Variants in ZNF556 observed in about 807,000 individuals in gnomAD.
The protein encoded by ZNF556 is zinc finger protein 556.
A neutral mutation model predicts 13.6 loss-of-function variants in ZNF556; 11 were observed. The ratio of observed to expected loss-of-function variants is 0.81; its 90% CI spans 0.51 to 1.33. The LOEUF is 1.33. Among genes scored for constraint, ZNF556 ranks in the 40% most tolerant of loss-of-function variants. The pLI, the probability that ZNF556 is intolerant of heterozygous loss-of-function variation, is 0.00. For synonymous variants in ZNF556, 229 were observed against 207.8 expected (o/e 1.10, Z -0.88); for missense variants, 633 against 566.2 (o/e 1.12, Z -1.20).
rs1406352995 is a variant in ZNF556, at chr19:2,879,086, C to G, written c.*757C>G. ...ATATTACTACCATGTTACTTTTATT[C>G]CACCTTTCCATTTTACAGGGAAAAA... On this transcript the variant is annotated 3_prime_UTR_variant, in exon 4 of 4. Transcript: ENST00000307635. 6.6e-6 allele frequency: 1 copy of G among 152,050 alleles called. No homozygotes were observed. The highest frequency in any genetic ancestry group is 6.6e-5 in the Admixed American group (1 of 15,254). The allele number at this position is 152,050 out of a possible 1,614,324, so 9.4% of individuals were successfully genotyped here.
At chr19:2,872,871 G>A (rs897210120) in intron 1 of ZNF556, among the ~76,000 whole-genome samples, 3 of 150,628 alleles carry the variant, frequency 2.0e-5, no homozygotes, top group Non-Finnish European at 4.4e-5. Context: ...GGTGGCTCAC[G>A]CCTGTAATCC....
At chr19:2,869,459 C>T (rs779348108) in intron 1 of ZNF556, among the ~76,000 whole-genome samples, 25 of 152,006 alleles carry the variant, frequency 1.6e-4, no homozygotes, top group Non-Finnish European at 2.8e-4. Context: ...CTCCGCCTCC[C>T]GGGTTCATGC....
At chr19:2,872,634 C>G (rs2087813314) in intron 1 of ZNF556, among the ~76,000 whole-genome samples, 1 of 151,968 alleles carries the variant, frequency 6.6e-6, no homozygotes, top group African/African-American at 2.4e-5. Context: ...CAGCTCATGT[C>G]CTCGGTCTCT....
At chr19:2,874,932 G>GC (rs965674604) in intron 2 of ZNF556, 2 of 48,048 alleles carry the variant, frequency 4.2e-5, no homozygotes, top group Non-Finnish European at 8.1e-5. Context: ...TTTTTTTTTT[G>GC]CTTCTCATTA....
At chr19:2,874,151 GGAGGCTGAGGCAGGA>G (rs2087829512) in intron 2 of ZNF556, among the ~76,000 whole-genome samples, 1 of 151,284 alleles carries the variant, frequency 6.6e-6, no homozygotes, top group East Asian at 2.0e-4. Context: ...CAGCTACTCG[GGAGGCTGAGGCAGGA>G]GAATTGCTTG....
rs1048430556 is a variant in ZNF556 at position 2,873,442 on chromosome 19, G to A, written c.4-54G>A. The A allele has an allele frequency of 6.2e-5, 99 of 1,600,898 alleles. 1 individual carries two copies. In the South Asian group the frequency reaches 9.5e-4, roughly 15 times the overall value. On this transcript the variant is annotated intron_variant, in intron 1 of 3. Coordinates refer to ENST00000307635, the MANE Select transcript of ZNF556 (RefSeq NM_024967.3). ...TGTCCTATGAACTGAGTTCAGTTCC[G>A]CAGTGCTGTGAGTTTTACCCCATCC...
rs2087894641 is a variant in ZNF556 at position 2,880,234 on chromosome 19, T to C, written c.*1905T>C. ...TCTCTCAGTATGTGTTCAGTTATTA[T>C]GTTTGATTATGTATTATTAAAACAA... On this transcript the variant is annotated 3_prime_UTR_variant, in exon 4 of 4. Coordinates refer to ENST00000307635, the MANE Select transcript of ZNF556 (RefSeq NM_024967.3). The C allele has an allele frequency of 6.6e-6, 1 of 152,196 alleles. No homozygotes were observed. Among genetic ancestry groups the C allele is most frequent in the Non-Finnish European group, 1.5e-5 (1 of 68,038 alleles). 9.4% of individuals were successfully genotyped at this position (152,196 alleles called of 1,614,324 possible).
At chr19:2,869,310 C>T (rs1025735627) in intron 1 of ZNF556, among the ~76,000 whole-genome samples, 14 of 152,178 alleles carry the variant, frequency 9.2e-5, no homozygotes, top group African/African-American at 3.4e-4. Flanking sequence ...CTTGATTCTT[C>T]CTGCTCTGTC....
At chr19:2,868,721 A>ATTT (rs11456545) in intron 1 of ZNF556, among the ~76,000 whole-genome samples, 2,133 of 125,954 alleles carry the variant, frequency 0.017, 72 homozygotes, top group African/African-American at 0.06. Context: ...TGACTAGCTA[A>ATTT]TTTTTTTTTT....
chr19:2,867,864 C>T (rs974123816), intron 1 of ZNF556, among the ~76,000 whole-genome samples: 1 of 152,136 alleles, frequency 6.6e-6, no homozygotes. Flanking sequence ...CTCCACGTGG[C>T]GGCACGGGCT....
intron 1 of ZNF556, among the ~76,000 whole-genome samples, chr19:2,871,787 C>T (rs1004952865): frequency 6.6e-6 from 1 of 152,164 alleles, no homozygotes; most frequent in Non-Finnish European, 1.5e-5. Context: ...GCCCGGGGGA[C>T]CACAACCACC....
intron 2 of ZNF556, among the ~76,000 whole-genome samples, chr19:2,875,343 G>A (rs1378995986): frequency 2.0e-5 from 3 of 151,844 alleles, no homozygotes; most frequent in African/African-American, 7.3e-5. Context: ...ACAGGCGCCC[G>A]CCACCACGCC....
In ZNF556 at chr19:2,878,015, G is replaced by T. The variant is rs35296337; in HGVS notation, c.1057G>T (p.Ala353Ser). Residue 353 changes from alanine to serine, a missense_variant, in exon 4 of 4, where the codon GCG becomes TCG. Ala to Ser is a moderately conservative substitution (Grantham distance 99). Coordinates refer to ENST00000307635, the MANE Select transcript of ZNF556 (RefSeq NM_024967.3). The part of the protein sequence containing the change: ...VSGGSVGKSS[A>S]RPRPSTDVKS... ...TGGGGGCAGCGTGGGAAAGTCTTCCGCGAGGCCTCGCCCCTCCACAGATGT... is the reference window on the plus strand; with the variant it reads ...TGGGGGCAGCGTGGGAAAGTCTTCCTCGAGGCCTCGCCCCTCCACAGATGT... 6.2e-7 allele frequency: 1 copy of T among 1,614,046 alleles called. No homozygotes were observed. The highest frequency in any genetic ancestry group is 1.1e-5 in the South Asian group (1 of 91,078).
chr19:2,876,073 G>C lies in ZNF556; in HGVS notation c.131-20G>C, dbSNP rs2087848340. 6.3e-7 allele frequency: 1 copy of C among 1,589,560 alleles called. No homozygotes were observed. The highest frequency in any genetic ancestry group is 8.5e-7 in the Non-Finnish European group (1 of 1,173,132). ...TTGCAGATGCCTTCCTCATCATATT[G>C]GTTCACTTTTTTGTTTCAGATAATG... On this transcript the variant is annotated intron_variant, in intron 2 of 3. Coordinates refer to ENST00000307635, the MANE Select transcript of ZNF556 (RefSeq NM_024967.3).
At position 2,867,346 on chromosome 19, in the gene ZNF556, G is replaced by C. The variant is rs1229219638; in HGVS notation, c.-76G>C. On this transcript the variant is annotated 5_prime_UTR_variant, in exon 1 of 4. Transcript: ENST00000307635. Reference sequence around the variant, plus strand: ...ACCCGGCCTGCCCTGAGTGACCACAGGTGTCCCCGTCGTGCTCACCTGCAC... The same window carrying C: ...ACCCGGCCTGCCCTGAGTGACCACACGTGTCCCCGTCGTGCTCACCTGCAC... 12 of 1,552,356 alleles carry C rather than the reference G, an allele frequency of 7.7e-6. No homozygotes were observed. The East Asian group carries it at 2.9e-4, about 37-fold the overall frequency.
Position 2,880,221 on chromosome 19 carries a change from T to G in ZNF556, c.*1892T>G, listed in dbSNP as rs1244899141. ...GAGCTGAATACAATCTCTCAGTATG[T>G]GTTCAGTTATTATGTTTGATTATGT... On this transcript the variant is annotated 3_prime_UTR_variant, in exon 4 of 4. Coordinates refer to ENST00000307635, the MANE Select transcript of ZNF556 (RefSeq NM_024967.3). 2.0e-5 allele frequency: 3 copies of G among 152,158 alleles called. No homozygotes were observed. The highest frequency in any genetic ancestry group is 4.4e-5 in the Non-Finnish European group (3 of 68,038). The allele number at this position is 152,158 out of a possible 1,614,324, so 9.4% of individuals were successfully genotyped here. A position where few individuals can be genotyped will look rare whatever the true frequency, so the allele number is the denominator to read the frequency against.
At chr19:2,869,561 T>C (rs1196295764) in intron 1 of ZNF556, among the ~76,000 whole-genome samples, 2 of 152,008 alleles carry the variant, frequency 1.3e-5, no homozygotes, top group Admixed American at 6.6e-5. Flanking sequence ...GGAGACGGGG[T>C]TTCACCTTGT....
At chr19:2,868,853 G>C (rs995044520) in intron 1 of ZNF556, among the ~76,000 whole-genome samples, 7 of 151,668 alleles carry the variant, frequency 4.6e-5, no homozygotes, top group Non-Finnish European at 5.9e-5. Flanking sequence ...CGAATAGCTG[G>C]GATTACAGGC....
intron 1 of ZNF556, among the ~76,000 whole-genome samples, chr19:2,868,103 T>C (rs2087772689): frequency 6.6e-6 from 1 of 152,234 alleles, no homozygotes; most frequent in African/African-American, 2.4e-5. Context: ...AGCGTGCCTT[T>C]TTTTTTTCTT....
Sources: gnomAD v4.1 joint callset for allele counts (sites outside exome capture counted in the v4.1 genomes callset) on GRCh38, gnomAD v4.1.1 for gene constraint, MANE v1.5 for transcripts, NCBI Gene and HGNC (gene_info 2026-07-23, HGNC 2026-07-21) for gene names.